AAK1: variants seen among roughly 807,000 people sequenced by gnomAD.
The protein encoded by AAK1 is AP2-associated protein kinase 1.
AAK1 carries 37 observed loss-of-function variants against 116.0 expected under a neutral mutation model. That is an observed-to-expected ratio of 0.32 (90% confidence interval 0.25 to 0.42). The LOEUF is 0.42. AAK1 is among the 10% of genes least tolerant of loss of function. AAK1 has a pLI of 1.00. For synonymous variants in AAK1, 458 were observed against 439.9 expected (o/e 1.04, Z -0.51); for missense variants, 919 against 1,170.6 (o/e 0.79, Z 3.14).
rs1572984539 is a variant in AAK1, at chr2:69,588,964, T to C, written c.164-31986A>G. On this transcript the variant is annotated intron_variant, in intron 2 of 21. Coordinates refer to ENST00000409085, the MANE Select transcript of AAK1 (RefSeq NM_014911.5). ...GAACTTCCGTTGCTTTTTAGATGCC[T>C]TTTAGAAAAGAAGGAATCCACCTTG... Among the ~76,000 whole-genome samples, 4 of 152,348 alleles carry C rather than the reference T, an allele frequency of 2.6e-5. No homozygotes were observed. In the South Asian group the frequency reaches 8.3e-4, roughly 32 times the overall value.
chr2:69,459,518 C>A lies in AAK1; in HGVS notation c.*16351G>T, dbSNP rs996891920. The A allele has an allele frequency of 6.6e-6, 1 of 152,230 alleles. No homozygotes were observed. Among genetic ancestry groups the A allele is most frequent in the Non-Finnish European group, 1.5e-5 (1 of 68,070 alleles). 9.4% of individuals were successfully genotyped at this position (152,230 alleles called of 1,614,324 possible). On this transcript the variant is annotated 3_prime_UTR_variant, in exon 22 of 22. Coordinates refer to ENST00000409085, the MANE Select transcript of AAK1 (RefSeq NM_014911.5). Reference sequence around the variant, plus strand: ...AGCTCAAGCGATCGGCCCAACACAGCCTCCCAGAGTGCTGGGATTCCAAGT... The same window carrying A: ...AGCTCAAGCGATCGGCCCAACACAGACTCCCAGAGTGCTGGGATTCCAAGT...
intron 2 of AAK1, among the ~76,000 whole-genome samples, chr2:69,637,786 T>TACACACAC (rs1443994290): frequency 1.3e-5 from 2 of 152,170 alleles, no homozygotes; most frequent in African/African-American, 2.4e-5. Context: ...TGTGTTTTGT[T>TACACACAC]AATATTTATC....
At position 69,532,121 on chromosome 2, in the gene AAK1, C is replaced by T. The variant is rs779624921; in HGVS notation, c.576G>A (p.Leu192=). ...TGTTGGTGGCGCTTCCAAAGTCACA[C>T]AGGACATAGTGGCCTCGGTCATGCA... The part of the protein sequence containing the change: ...ILLHDRGHYV[L]CDFGSATNKF... Residue 192 remains leucine, a synonymous_variant, in exon 6 of 22, where the codon CTG becomes CTA. Coordinates refer to ENST00000409085, the MANE Select transcript of AAK1 (RefSeq NM_014911.5). The T allele has an allele frequency of 3.0e-5, 49 of 1,613,578 alleles. No individual in the cohort carries two copies. The African/African-American group carries it at 5.5e-4, about 18-fold the overall frequency.
intron 2 of AAK1, among the ~76,000 whole-genome samples, chr2:69,578,802 CTCT>C (rs1406398504): frequency 2.0e-5 from 3 of 150,654 alleles, no homozygotes; most frequent in African/African-American, 7.4e-5. Context: ...ATCTCTTCAC[CTCT>C]TTTTTTTTTT....
intron 17 of AAK1, among the ~76,000 whole-genome samples, chr2:69,490,923 C>CCACACACACACACACACACACA (rs58662760): frequency 1.4e-5 from 2 of 147,626 alleles, no homozygotes; most frequent in African/African-American, 5.0e-5. Flanking sequence ...GTGTGTGTAC[C>CCACACACACACACACACACACA]CACACACACA....
In AAK1 at chr2:69,507,570, G is replaced by T. The variant is rs1466432875; in HGVS notation, c.2015C>A (p.Thr672Asn). 6.2e-7 allele frequency: 1 copy of T among 1,609,374 alleles called. No homozygotes were observed. The highest frequency in any genetic ancestry group is 2.2e-5 in the East Asian group (1 of 44,798). ...CCGAGGAGAGCCTGATGGAGTGGTG[G>T]TTGCAGACCTAGGTAGGTTCCCACC... ...EASLNKSKSATTTPSGSPRTS... is the reference protein window; with the variant it reads ...EASLNKSKSANTTPSGSPRTS... The change falls in exon 15 of 22, where the codon ACC becomes AAC. Residue 672 changes from threonine to asparagine, a missense_variant. Thr to Asn is a moderately conservative substitution (Grantham distance 65, BLOSUM62 0). Coordinates refer to ENST00000409085, the MANE Select transcript of AAK1 (RefSeq NM_014911.5).
In AAK1 at chr2:69,514,454, C is replaced by T. The variant is rs368801859; in HGVS notation, c.1776+17G>A. The stretch of plus-strand genomic sequence containing the variant: ...TCCTCTGCTGCTTTTGTGCTCTGAG[C>T]TCTGGTTGATTCTTACCGCTGGCTC... On this transcript the variant is annotated intron_variant, in intron 13 of 21. Coordinates refer to ENST00000409085, the MANE Select transcript of AAK1 (RefSeq NM_014911.5). The T allele has an allele frequency of 3.3e-4, 496 of 1,523,860 alleles. No individual in the cohort carries two copies. The highest frequency in any genetic ancestry group is 4.0e-4 in the Non-Finnish European group (450 of 1,132,210). 94.4% of individuals were successfully genotyped at this position (1,523,860 alleles called of 1,614,324 possible).
chr2:69,559,203 C>G (rs1031452124), intron 2 of AAK1, among the ~76,000 whole-genome samples: 1 of 151,542 alleles, frequency 6.6e-6, no homozygotes, highest in African/African-American at 2.4e-5. Context: ...ATCTCAATAA[C>G]ATTTTCCATT....
intron 3 of AAK1, among the ~76,000 whole-genome samples, chr2:69,556,536 C>CATTGGAAAGTT: frequency 6.6e-6 from 1 of 152,276 alleles, no homozygotes; most frequent in East Asian, 1.9e-4. Flanking sequence ...AGAAGAGGCT[C>CATTGGAAAGTT]ATTGGAAAGT....
intron 2 of AAK1, among the ~76,000 whole-genome samples, chr2:69,617,152 A>G (rs1674369826): frequency 6.6e-6 from 1 of 152,220 alleles, no homozygotes; most frequent in African/African-American, 2.4e-5. Flanking sequence ...AATCTCAGTC[A>G]AGAACAACAA....
Position 69,587,076 on chromosome 2 carries a change from C to T in AAK1, c.164-30098G>A, listed in dbSNP as rs570285093. On this transcript the variant is annotated intron_variant, in intron 2 of 21. Coordinates refer to ENST00000409085, the MANE Select transcript of AAK1 (RefSeq NM_014911.5). ...AAAGCAAACCTGCCTCATTTCTTTTCTTTAAAAAAAAACTTTTTTTTTTTT... is the reference window on the plus strand; with the variant it reads ...AAAGCAAACCTGCCTCATTTCTTTTTTTTAAAAAAAAACTTTTTTTTTTTT... Among the ~76,000 whole-genome samples, 364 of 151,616 alleles carry T rather than the reference C, an allele frequency of 2.4e-3. 2 individuals are homozygous for T. Among genetic ancestry groups the T allele is most frequent in the Admixed American group, 3.9e-3 (60 of 15,240 alleles).
chr2:69,541,066 G>T (rs1670695817), intron 5 of AAK1, among the ~76,000 whole-genome samples: 1 of 152,062 alleles, frequency 6.6e-6, no homozygotes, highest in South Asian at 2.1e-4. Flanking sequence ...GAGACAGAAA[G>T]TAGATTAGGG....
intron 17 of AAK1, among the ~76,000 whole-genome samples, chr2:69,487,031 C>T (rs1258044257): frequency 6.6e-6 from 1 of 152,196 alleles, no homozygotes; most frequent in African/African-American, 2.4e-5. Context: ...AAAGATCTCA[C>T]AGCAAGCAAG....
intron 16 of AAK1, among the ~76,000 whole-genome samples, chr2:69,498,919 C>T (rs1675862707): frequency 6.6e-6 from 1 of 152,188 alleles, no homozygotes. Context: ...GGGTAACAGG[C>T]AAGGGCCAAT....
intron 2 of AAK1, among the ~76,000 whole-genome samples, chr2:69,563,736 GCTTA>G (rs1671745584): frequency 6.6e-6 from 1 of 152,166 alleles, no homozygotes; most frequent in Non-Finnish European, 1.5e-5. Context: ...AACAGATGCT[GCTTA>G]CTTAAAGCAG....
chr2:69,604,414 T>C (rs376939695), intron 2 of AAK1, among the ~76,000 whole-genome samples: 47 of 152,326 alleles, frequency 3.1e-4, no homozygotes, highest in African/African-American at 1.1e-3. Context: ...TGTGGCCTCA[T>C]TGCTTTCATG....
At chr2:69,510,070 A>G (rs1676333226) in intron 13 of AAK1, among the ~76,000 whole-genome samples, 1 of 152,174 alleles carries the variant, frequency 6.6e-6, no homozygotes, top group Non-Finnish European at 1.5e-5. Context: ...TCGGGGGTAC[A>G]TGTGCAGGTT....
chr2:69,589,756 G>T (rs541905540), intron 2 of AAK1, among the ~76,000 whole-genome samples: 10 of 151,528 alleles, frequency 6.6e-5, no homozygotes, highest in African/African-American at 2.4e-4. Context: ...AGGAGTATTG[G>T]GTCCGAAAAG....
chr2:69,621,636 G>C (rs1014541476), intron 2 of AAK1, among the ~76,000 whole-genome samples: 1 of 152,180 alleles, frequency 6.6e-6, no homozygotes, highest in Non-Finnish European at 1.5e-5. Context: ...TTTTGGGGTG[G>C]TTTGTTATAC....
Sources: allele counts gnomAD v4.1 joint callset (sites outside exome capture counted in the v4.1 genomes callset), GRCh38; gene constraint gnomAD v4.1.1; transcripts MANE v1.5; gene names NCBI Gene and HGNC (gene_info 2026-07-23, HGNC 2026-07-21).